The following BICDL1 variants were observed in gnomAD, a reference collection of about 807,000 sequenced individuals.
BICDL1 encodes the protein BICD family-like cargo adapter 1.
A neutral mutation model predicts 76.8 loss-of-function variants in BICDL1; 20 were observed. That is an observed-to-expected ratio of 0.26 (90% CI 0.18 to 0.38). The LOEUF (loss-of-function observed/expected upper bound fraction) is 0.38. BICDL1 is among the 10% of genes least tolerant of loss of function. BICDL1 has a pLI of 1.00. For missense variants in BICDL1, 700 were observed against 798.6 expected, an observed-to-expected ratio of 0.88 and a Z score of 1.49; for synonymous variants, 383 against 337.1, an observed-to-expected ratio of 1.14 and a Z score of -1.49.
In BICDL1 at chr12:120,001,285, C is replaced by T. The variant is rs182864831; in HGVS notation, c.645+2549C>T. Among the ~76,000 whole-genome samples, 694 of 152,026 alleles carry T rather than the reference C, an allele frequency of 4.6e-3. 7 individuals are homozygous for T. The highest frequency in any genetic ancestry group is 0.016 in the African/African-American group (654 of 41,454). On this transcript the variant is annotated intron_variant, in intron 2 of 9. Coordinates refer to ENST00000548673, the MANE Select transcript of BICDL1 (RefSeq NM_001367886.1). Reference sequence around the variant, plus strand: ...TTTTTGAGACAGAGTCTTGCTTTGTCGCCCAGGCTGGAGTACAGTGGCACA... The same window carrying T: ...TTTTTGAGACAGAGTCTTGCTTTGTTGCCCAGGCTGGAGTACAGTGGCACA...
At chr12:120,060,156 G>GT (rs1953073414) in intron 2 of BICDL1, among the ~76,000 whole-genome samples, 2 of 152,316 alleles carry the variant, frequency 1.3e-5, no homozygotes, top group South Asian at 4.1e-4. Flanking sequence ...TTGACACATA[G>GT]TATGTACTCA....
At chr12:120,039,668 C>T (rs1226512021) in intron 2 of BICDL1, among the ~76,000 whole-genome samples, 5 of 142,596 alleles carry the variant, frequency 3.5e-5, no homozygotes, top group Non-Finnish European at 7.6e-5. Flanking sequence ...AAAGAAAAGG[C>T]TTCATGGAGG....
chr12:120,001,621 T>C (rs1951760985), intron 2 of BICDL1, among the ~76,000 whole-genome samples: 1 of 152,234 alleles, frequency 6.6e-6, no homozygotes, highest in Non-Finnish European at 1.5e-5. Context: ...AAATGTACAG[T>C]ATTTCTTTGA....
At chr12:120,074,699 A>G in intron 7 of BICDL1, 113 bp downstream of exon 7, 2 of 848,938 alleles carry the variant, frequency 2.4e-6, no homozygotes, top group Non-Finnish European at 2.9e-6. Context: ...GCTCTCCTTC[A>G]TCAGATCATC....
chr12:120,042,310 G>C (rs1447841188), intron 2 of BICDL1, among the ~76,000 whole-genome samples: 1 of 152,156 alleles, frequency 6.6e-6, no homozygotes, highest in Non-Finnish European at 1.5e-5. Flanking sequence ...TGGATGTGGA[G>C]TGTGAGGGGA....
At chr12:120,092,275 G>A (rs1875037345) in intron 9 of BICDL1, 8 of 985,340 alleles carry the variant, frequency 8.1e-6, no homozygotes, top group Non-Finnish European at 9.6e-6. Flanking sequence ...GCTGTGGGGA[G>A]GAAGGCATTT....
chr12:120,033,887 C>T (rs1594144047), intron 2 of BICDL1, among the ~76,000 whole-genome samples: 1 of 152,304 alleles, frequency 6.6e-6, no homozygotes, highest in East Asian at 1.9e-4. Context: ...ATCCCTCTGT[C>T]ACCAGTGCTG....
intron 8 of BICDL1, among the ~76,000 whole-genome samples, chr12:120,088,759 C>T (rs1206565334): frequency 1.3e-5 from 2 of 151,996 alleles, no homozygotes; most frequent in African/African-American, 4.8e-5. Flanking sequence ...CTCCGCCTCC[C>T]GGGTTCACGC....
In BICDL1 at chr12:120,028,234, C is replaced by G. The variant is rs150314428; in HGVS notation, c.645+29498C>G. Among the ~76,000 whole-genome samples, 530 of 152,210 alleles carry G rather than the reference C, an allele frequency of 3.5e-3. 2 individuals carry two copies. Among genetic ancestry groups the G allele is most frequent in the Non-Finnish European group, 4.2e-3 (289 of 68,016 alleles). ...GAAATACTGGTTTGGTAGATCTTCTCCAAGTTTCATTTTTACTCGAGTTTT... is the reference window on the plus strand; with the variant it reads ...GAAATACTGGTTTGGTAGATCTTCTGCAAGTTTCATTTTTACTCGAGTTTT... On this transcript the variant is annotated intron_variant, in intron 2 of 9. Transcript: ENST00000548673.
In BICDL1 at chr12:120,093,196, C is replaced by A. The variant is rs774966093; in HGVS notation, c.*35C>A. 6.4e-7 allele frequency: 1 copy of A among 1,555,600 alleles called. No individual in the cohort carries two copies. Among genetic ancestry groups the A allele is most frequent in the Non-Finnish European group, 8.7e-7 (1 of 1,149,156 alleles). On this transcript the variant is annotated 3_prime_UTR_variant, in exon 10 of 10. Coordinates refer to ENST00000548673, the MANE Select transcript of BICDL1 (RefSeq NM_001367886.1). ...AGTCAGGCCACCAAAGATGGGTGGA[C>A]TGGAGGCAGCTGGAAAGGCGGTGCA...
intron 2 of BICDL1, among the ~76,000 whole-genome samples, chr12:120,043,795 ATC>A (rs1952692543): frequency 6.6e-6 from 1 of 152,344 alleles, no homozygotes; most frequent in South Asian, 2.1e-4. Flanking sequence ...TTCAGATTTT[ATC>A]TCATACAGTA....
chr12:119,990,965 A>G (rs1951509656), intron 1 of BICDL1, among the ~76,000 whole-genome samples: 2 of 152,232 alleles, frequency 1.3e-5, no homozygotes, highest in African/African-American at 4.8e-5. Flanking sequence ...TGAATGACCA[A>G]ATGCAACCTA....
chr12:120,091,067 T>C, intron 9 of BICDL1: 1 of 1,287,618 alleles, frequency 7.8e-7, no homozygotes, highest in Admixed American at 2.3e-5. Flanking sequence ...CTGCCATTGC[T>C]GTGCTGCCCC....
intron 9 of BICDL1, chr12:120,091,061 C>T: frequency 7.8e-7 from 1 of 1,288,228 alleles, no homozygotes; most frequent in Non-Finnish European, 1.0e-6. Context: ...CTCGCCCTGC[C>T]ATTGCTGTGC....
At chr12:120,078,115 G>A (rs1873704960) in intron 7 of BICDL1, among the ~76,000 whole-genome samples, 1 of 152,162 alleles carries the variant, frequency 6.6e-6, no homozygotes, top group South Asian at 2.1e-4. Context: ...ATATCTCCAT[G>A]CTATTCAGCC....
At chr12:120,021,822 T>C (rs940319949) in intron 2 of BICDL1, among the ~76,000 whole-genome samples, 9 of 151,226 alleles carry the variant, frequency 6.0e-5, no homozygotes, top group Non-Finnish European at 1.0e-4. Context: ...GGAGATTTGC[T>C]TGAACCCGGG....
chr12:120,044,231 C>A (rs1277430564), intron 2 of BICDL1, among the ~76,000 whole-genome samples: 1 of 152,190 alleles, frequency 6.6e-6, no homozygotes, highest in Non-Finnish European at 1.5e-5. Flanking sequence ...CAATTCCAAA[C>A]AAGAACATTT....
rs760930498 is a variant in BICDL1 at position 120,091,480 on chromosome 12, C to T, written c.1704+1409C>T. The T allele has an allele frequency of 7.2e-4, 712 of 995,798 alleles. 1 individual carries two copies. Among genetic ancestry groups the T allele is most frequent in the Admixed American group, 1.6e-3 (28 of 17,938 alleles). The allele number at this position is 995,798 out of a possible 1,614,324, so 61.7% of individuals were successfully genotyped here. The stretch of plus-strand genomic sequence containing the variant: ...TACTGAGCACGTCGTAAGTGCAGGG[C>T]ACTGTGCCAAGGATCATATACTAGA... On this transcript the variant is annotated intron_variant, in intron 9 of 9. Coordinates refer to ENST00000548673, the MANE Select transcript of BICDL1 (RefSeq NM_001367886.1).
chr12:120,014,770 G>A (rs1259519027), intron 2 of BICDL1, among the ~76,000 whole-genome samples: 1 of 151,730 alleles, frequency 6.6e-6, no homozygotes, highest in Non-Finnish European at 1.5e-5. Context: ...GGCCAAGGTG[G>A]GAGGATTGAT....
Sources: gnomAD v4.1 joint callset for allele counts (sites outside exome capture counted in the v4.1 genomes callset) on GRCh38, gnomAD v4.1.1 for gene constraint, MANE v1.5 for transcripts, NCBI Gene and HGNC (gene_info 2026-07-23, HGNC 2026-07-21) for gene names.